The following RUSC2 variants were observed in gnomAD, a reference collection of about 807,000 sequenced individuals.
The protein encoded by RUSC2 is RUN and SH3 domain containing 2, also known as AP-4 complex accessory subunit RUSC2.
In RUSC2, 34 loss-of-function variants were observed where a neutral mutation model predicts 122.2. The observed-to-expected ratio is 0.28, with a 90% CI of 0.21 to 0.37. The LOEUF (loss-of-function observed/expected upper bound fraction) is 0.37, where lower values mean the gene tolerates loss of function less well. Among genes scored for constraint, RUSC2 ranks in the 10% least tolerant of loss-of-function variants. The pLI is 1.00. For missense variants in RUSC2, 1,747 were observed against 1,952.4 expected, an observed-to-expected ratio of 0.89 and a Z score of 1.98; for synonymous variants, 784 against 790.0, an observed-to-expected ratio of 0.99 and a Z score of 0.13.
rs1822077880 is a variant in RUSC2, at chr9:35,558,684, T to A, written c.3341+117T>A. On this transcript the variant is annotated intron_variant, in intron 8 of 11. Coordinates refer to ENST00000361226, the MANE Select transcript of RUSC2 (RefSeq NM_014806.5). The surrounding 1 kb of genome is among the most constrained non-coding windows in gnomAD (Gnocchi z 4.3). ...AGACAGAAAGGGTGGATCTGGAGGG[T>A]CCCCTCAGCCCGCTATGGCCTCTCA... is the stretch of plus-strand genomic sequence containing the variant. 2.3e-6 allele frequency: 2 copies of A among 855,008 alleles called. No homozygotes were observed. Among genetic ancestry groups the A allele is most frequent in the Non-Finnish European group, 3.8e-6 (2 of 519,860 alleles). The allele number at this position is 855,008 out of a possible 1,614,324, so 53.0% of individuals were successfully genotyped here. A position where few individuals can be genotyped will look rare whatever the true frequency, so the allele number is the denominator to read the frequency against.
chr9:35,532,510 C>T (rs1821440042), intron 1 of RUSC2, among the ~76,000 whole-genome samples: 3 of 152,132 alleles, frequency 2.0e-5, no homozygotes, highest in Admixed American at 1.3e-4. Context: ...TTTGCAAGGC[C>T]GAGGTGGGCA....
chr9:35,495,051 A>ATACATT (rs1564239965), intron 1 of RUSC2, among the ~76,000 whole-genome samples: 5 of 20,824 alleles, frequency 2.4e-4, no homozygotes, highest in African/African-American at 1.3e-3. Context: ...TAGTATATAT[A>ATACATT]ATATATACTA....
chr9:35,499,565 G>T (rs913803611), intron 1 of RUSC2, among the ~76,000 whole-genome samples: 10 of 152,212 alleles, frequency 6.6e-5, no homozygotes, highest in Admixed American at 2.0e-4. Context: ...TGGGTGGAAA[G>T]AAAAATAGGG....
intron 1 of RUSC2, among the ~76,000 whole-genome samples, chr9:35,496,058 G>C (rs187486262): frequency 6.6e-6 from 1 of 152,292 alleles, no homozygotes; most frequent in African/African-American, 2.4e-5. Flanking sequence ...GCATCAGAGA[G>C]TGATGAGCGA....
chr9:35,491,818 G>A (rs7846949), intron 1 of RUSC2, among the ~76,000 whole-genome samples: 1 of 152,150 alleles, frequency 6.6e-6, no homozygotes, highest in Non-Finnish European at 1.5e-5. Context: ...GCATGGTGGT[G>A]TGCACATGTA....
Position 35,561,297 on chromosome 9 carries a change from G to A in RUSC2, c.4466G>A (p.Arg1489His), listed in dbSNP as rs777840197. 24 of 1,614,124 alleles carry A rather than the reference G, an allele frequency of 1.5e-5. No individual in the cohort carries two copies. The highest frequency in any genetic ancestry group is 1.6e-4 in the Middle Eastern group (1 of 6,062). ...RAGGDWLRCSRGPDSGLVPLA... is the reference protein window; with the variant it reads ...RAGGDWLRCSHGPDSGLVPLA... ...GGAGGAGACTGGCTGCGCTGCAGCC[G>A]TGGCCCCGACTCTGGCCTGGTGCCC... Residue 1489 changes from arginine (R) to histidine (H), a missense_variant, in exon 12 of 12, where the codon CGT becomes CAT. Coordinates refer to ENST00000361226, the MANE Select transcript of RUSC2 (RefSeq NM_014806.5).
chr9:35,560,254 C>A lies in RUSC2; in HGVS notation c.3614C>A (p.Thr1205Lys). Residue 1205 changes from threonine to lysine, a missense_variant, in exon 10 of 12, where the codon ACG becomes AAG. Coordinates refer to ENST00000361226, the MANE Select transcript of RUSC2 (RefSeq NM_014806.5). ...SQDLLLSAHS[T>K]LQLARARGQE... ...GACCTGCTGCTGTCTGCCCACTCCA[C>A]GCTGCAGCTGGCCCGGGCCCGGGGC... 1 of 1,595,022 alleles carries A rather than the reference C, an allele frequency of 6.3e-7. No individual in the cohort carries two copies. The highest frequency in any genetic ancestry group is 8.5e-7 in the Non-Finnish European group (1 of 1,171,474).
Position 35,505,814 on chromosome 9 carries a change from C to G in RUSC2, c.-93+15642C>G, listed in dbSNP as rs1335974921. Among the ~76,000 whole-genome samples the G allele has an allele frequency of 2.6e-5, 4 of 152,096 alleles. No homozygotes were observed. In the East Asian group the frequency reaches 5.8e-4, roughly 22 times the overall value. On this transcript the variant is annotated intron_variant, in intron 1 of 11. Transcript: ENST00000361226. ...ATTTGACAAGTTTATGATAAAAACA[C>G]TCAACTAGGAATAGCATCTAACTTC...
chr9:35,493,996 G>C (rs950564320), intron 1 of RUSC2, among the ~76,000 whole-genome samples: 7 of 152,068 alleles, frequency 4.6e-5, no homozygotes, highest in African/African-American at 1.7e-4. Flanking sequence ...CCCAGAAGTG[G>C]TGTTGCTGGA....
At chr9:35,525,284 C>A (rs180882765) in intron 1 of RUSC2, among the ~76,000 whole-genome samples, 132 of 152,268 alleles carry the variant, frequency 8.7e-4, no homozygotes, top group Non-Finnish European at 2.8e-4. Flanking sequence ...TCACCTAACC[C>A]CTCAGTTTTC....
intron 9 of RUSC2, 112 bp from the exon 10 acceptor site, chr9:35,559,917 G>A (rs1822106534): frequency 3.4e-6 from 3 of 876,388 alleles, no homozygotes; most frequent in Non-Finnish European, 5.4e-6. Context: ...GTTGACTAGT[G>A]CACAGCCTGC....
chr9:35,521,877 T>C (rs1354102061), intron 1 of RUSC2, among the ~76,000 whole-genome samples: 1 of 152,220 alleles, frequency 6.6e-6, no homozygotes, highest in African/African-American at 2.4e-5. Flanking sequence ...TACACTCTAC[T>C]TGGAGGAAAG....
At chr9:35,497,550 G>A (rs762718610) in intron 1 of RUSC2, among the ~76,000 whole-genome samples, 2 of 152,272 alleles carry the variant, frequency 1.3e-5, no homozygotes, top group South Asian at 4.2e-4. Flanking sequence ...GCAGCAGATT[G>A]TATATCCTAA....
At chr9:35,497,463 G>A (rs1283735930) in intron 1 of RUSC2, among the ~76,000 whole-genome samples, 1 of 152,040 alleles carries the variant, frequency 6.6e-6, no homozygotes, top group African/African-American at 2.4e-5. Context: ...TGTATCCCCT[G>A]GCCATGTATA....
chr9:35,514,587 A>G (rs1821068977), intron 1 of RUSC2, among the ~76,000 whole-genome samples: 3 of 152,340 alleles, frequency 2.0e-5, no homozygotes, highest in African/African-American at 7.2e-5. Context: ...GCTCTTTAGT[A>G]GCAGTAGGGA....
intron 1 of RUSC2, among the ~76,000 whole-genome samples, chr9:35,501,511 A>G (rs1310954786): frequency 6.6e-6 from 1 of 152,192 alleles, no homozygotes; most frequent in Non-Finnish European, 1.5e-5. Context: ...TGGGAGGCAG[A>G]GGTTGCAGTG....
In RUSC2 at chr9:35,547,261, A is replaced by G. The variant is rs754729944; in HGVS notation, c.740A>G (p.Asp247Gly). Residue 247 changes from aspartate to glycine, a missense_variant, in exon 2 of 12, where the codon GAC (aspartate) becomes GGC (glycine). Asp to Gly is a moderately conservative substitution (Grantham distance 94). Coordinates refer to ENST00000361226, the MANE Select transcript of RUSC2 (RefSeq NM_014806.5). This position sits in a 1 kb window ranked among gnomAD's most constrained non-coding sequence, Gnocchi z 4.6. Reference protein sequence around the residue: ...PRNPGCSGSGDQHCRCSSTSS... With the variant: ...PRNPGCSGSGGQHCRCSSTSS... ...AACCCTGGATGCTCCGGCTCAGGGG[A>G]CCAGCACTGCCGCTGCAGTAGCACA... 1 of 1,614,152 alleles carries G rather than the reference A, an allele frequency of 6.2e-7. No homozygotes were observed. Among genetic ancestry groups the G allele is most frequent in the South Asian group, 1.1e-5 (1 of 91,074 alleles).
At chr9:35,545,424 G>A (rs539189742) in intron 1 of RUSC2, among the ~76,000 whole-genome samples, 4 of 152,310 alleles carry the variant, frequency 2.6e-5, no homozygotes, top group Non-Finnish European at 4.4e-5. Context: ...ACACTGCCAC[G>A]GTGCAGCCAA....
At position 35,548,095 on chromosome 9, in the gene RUSC2, G is replaced by A. The variant is rs756965615; in HGVS notation, c.1574G>A (p.Ser525Asn). 6.2e-7 allele frequency: 1 copy of A among 1,613,246 alleles called. No homozygotes were observed. Among genetic ancestry groups the A allele is most frequent in the East Asian group, 2.2e-5 (1 of 44,886 alleles). Residue 525 changes from serine to asparagine, a missense_variant, in exon 2 of 12, where the codon AGT (serine) becomes AAT (asparagine). Transcript: ENST00000361226. The surrounding 1 kb of genome is among the most constrained non-coding windows in gnomAD (Gnocchi z 4.5). ...ERMLSCPVRLSEGPAAMAGPG... is the reference protein window; with the variant it reads ...ERMLSCPVRLNEGPAAMAGPG... Reference sequence around the variant, plus strand: ...ATGTTGAGTTGCCCAGTGCGCTTGAGTGAGGGCCCTGCAGCCATGGCCGGG... The same window carrying A: ...ATGTTGAGTTGCCCAGTGCGCTTGAATGAGGGCCCTGCAGCCATGGCCGGG...
Sources: gnomAD v4.1 joint callset for allele counts (sites outside exome capture counted in the v4.1 genomes callset) on GRCh38, gnomAD v4.1.1 for gene constraint, Gnocchi (gnomAD v3.1) non-coding constraint, MANE v1.5 for transcripts, NCBI Gene and HGNC (gene_info 2026-07-23, HGNC 2026-07-21) for gene names.